SCRN1: variants seen among roughly 807,000 people sequenced by gnomAD.
SCRN1 encodes the protein secernin-1.
SCRN1 carries 19 observed loss-of-function variants against 43.3 expected under a neutral mutation model. That is an observed-to-expected ratio of 0.44 (90% CI 0.31 to 0.64). The LOEUF (loss-of-function observed/expected upper bound fraction) is 0.64. Ranked by LOEUF, SCRN1 falls within the 30% of genes least tolerant of loss-of-function variation. SCRN1 has a pLI of 0.09. For missense variants in SCRN1, 447 were observed against 524.1 expected (o/e 0.85, Z 1.44); for synonymous variants, 183 against 188.9 (o/e 0.97, Z 0.26).
At chr7:29,960,980 A>G (rs1307786406) in intron 2 of SCRN1, among the ~76,000 whole-genome samples, 1 of 152,162 alleles carries the variant, frequency 6.6e-6, no homozygotes, top group Non-Finnish European at 1.5e-5. Context: ...GGGATGTTCC[A>G]ATCGCAAACT....
intron 1 of SCRN1, among the ~76,000 whole-genome samples, chr7:29,971,181 T>A (rs1788655852): frequency 2.0e-5 from 3 of 152,222 alleles, no homozygotes; most frequent in Admixed American, 2.0e-4. Flanking sequence ...CTCCACCACC[T>A]ACTAGCTGTG....
intron 1 of SCRN1, among the ~76,000 whole-genome samples, chr7:29,974,314 T>G (rs1411819022): frequency 6.6e-6 from 1 of 152,246 alleles, no homozygotes; most frequent in Non-Finnish European, 1.5e-5. Context: ...TAGGATGAAT[T>G]TTTTTATTTG....
Position 29,969,473 on chromosome 7 carries a change from A to T in SCRN1, c.-1-405T>A, listed in dbSNP as rs139548192. On this transcript the variant is annotated intron_variant, in intron 1 of 7. Transcript: ENST00000242059. ...AAAACTAACTACACAAATGCCTCAG[A>T]TCCAGAAATGCATAGCCACCACATA... 6.2e-4 allele frequency among the ~76,000 whole-genome samples: 94 copies of T among 152,372 alleles called. 3 individuals are homozygous for T. In the East Asian group the frequency reaches 0.017, roughly 28 times the overall value.
rs1393950275 is a variant in SCRN1 at position 29,950,800 on chromosome 7, C to T, written c.341+4379G>A. Among the ~76,000 whole-genome samples, 1 of 152,216 alleles carries T rather than the reference C, an allele frequency of 6.6e-6. No individual in the cohort carries two copies. The highest frequency in any genetic ancestry group is 1.5e-5 in the Non-Finnish European group (1 of 68,034). On this transcript the variant is annotated intron_variant, in intron 3 of 7. Transcript: ENST00000242059. The surrounding 1 kb of genome is among the most constrained non-coding windows in gnomAD (Gnocchi z 4.5). ...TCTCCTCTCTGCTGAGAGCTGGATA[C>T]TCGTCAGGATGACCTGCCTGCAGAA...
chr7:29,990,003 A>C, upstream of SCRN1: 1 of 1,382,878 alleles, frequency 7.2e-7, no homozygotes, highest in Non-Finnish European at 9.4e-7. Context: ...ATCTCGCCGC[A>C]GAAAGTGGCC....
At position 29,923,510 on chromosome 7, in the gene SCRN1, G is replaced by C. The variant is rs1292761805; in HGVS notation, c.*447C>G. ...CCTTGACAACACACACAAGAGCCCT[G>C]TGTGTGTGCACAAATGCCTCTTGTT... On this transcript the variant is annotated 3_prime_UTR_variant, in exon 8 of 8. Coordinates refer to ENST00000242059, the MANE Select transcript of SCRN1 (RefSeq NM_014766.5). 1 of 164,378 alleles carries C rather than the reference G, an allele frequency of 6.1e-6. No individual in the cohort carries two copies. The highest frequency in any genetic ancestry group is 1.3e-5 in the Non-Finnish European group (1 of 75,272). 10.2% of individuals were successfully genotyped at this position (164,378 alleles called of 1,614,324 possible). A position where few individuals can be genotyped will look rare whatever the true frequency, so the allele number is the denominator to read the frequency against.
chr7:29,971,633 C>CA (rs397889529), intron 1 of SCRN1, among the ~76,000 whole-genome samples: 4,954 of 67,930 alleles, frequency 0.073, 105 homozygotes, highest in Middle Eastern at 0.12. Context: ...GACCCTGTCT[C>CA]AAAAAAAAAA....
chr7:29,986,885 C>G (rs1789177447), intron 1 of SCRN1, among the ~76,000 whole-genome samples: 1 of 151,836 alleles, frequency 6.6e-6, no homozygotes, highest in South Asian at 2.1e-4. Flanking sequence ...CCACCATGCC[C>G]GGCTAATTTT....
At chr7:29,929,967 A>G (rs1383046919) in intron 6 of SCRN1, among the ~76,000 whole-genome samples, 1 of 152,142 alleles carries the variant, frequency 6.6e-6, no homozygotes, top group Non-Finnish European at 1.5e-5. Context: ...TTCTAAGAGA[A>G]GAGATACCAT....
At chr7:29,959,645 G>T (rs1441227174) in intron 2 of SCRN1, among the ~76,000 whole-genome samples, 1 of 152,042 alleles carries the variant, frequency 6.6e-6, no homozygotes, top group Non-Finnish European at 1.5e-5. Context: ...GTATTCTTAA[G>T]GTTCATATAA....
intron 2 of SCRN1, among the ~76,000 whole-genome samples, chr7:29,961,981 A>G (rs1404043955): frequency 1.3e-5 from 2 of 151,942 alleles, no homozygotes; most frequent in Non-Finnish European, 2.9e-5. Flanking sequence ...GGAAAGGGGG[A>G]TCAGTTGGCA....
intron 6 of SCRN1, among the ~76,000 whole-genome samples, chr7:29,931,656 C>T (rs1283275619): frequency 6.6e-6 from 1 of 152,192 alleles, no homozygotes; most frequent in East Asian, 1.9e-4. Flanking sequence ...GTGTTGTCCT[C>T]AAACATGGCT....
rs920922730 is a variant in SCRN1 at position 29,922,999 on chromosome 7, T to C, written c.*958A>G. 1.3e-5 allele frequency: 2 copies of C among 152,220 alleles called. No homozygotes were observed. The highest frequency in any genetic ancestry group is 2.9e-5 in the Non-Finnish European group (2 of 68,050). The allele number at this position is 152,220 out of a possible 1,614,324, so 9.4% of individuals were successfully genotyped here. On this transcript the variant is annotated 3_prime_UTR_variant, in exon 8 of 8. Transcript: ENST00000242059. ...TCCAGATATTTAACTAGAATCTAAATAGTCAAGAGTTCTTCCTTTTCTTTC... is the reference window on the plus strand; with the variant it reads ...TCCAGATATTTAACTAGAATCTAAACAGTCAAGAGTTCTTCCTTTTCTTTC...
intron 5 of SCRN1, among the ~76,000 whole-genome samples, chr7:29,938,299 T>C (rs1787409718): frequency 6.6e-6 from 1 of 152,262 alleles, no homozygotes; most frequent in African/African-American, 2.4e-5. Flanking sequence ...CCCAAAGTGC[T>C]GGGAGTGCGG....
chr7:29,989,856 G>GA (rs1286074753), upstream of SCRN1: 1 of 850,852 alleles, frequency 1.2e-6, no homozygotes, highest in African/African-American at 6.1e-5. Flanking sequence ...ACGTGACCGC[G>GA]GGCCCACCCT....
At chr7:29,966,159 CAGAGAGAGAGAGAGAGAGAGAG>C (rs58247318) in intron 2 of SCRN1, among the ~76,000 whole-genome samples, 2 of 84,404 alleles carry the variant, frequency 2.4e-5, no homozygotes, top group Admixed American at 2.4e-4. Context: ...GACCGAGAGA[CAGAGAGAGAGAGAGAGAGAGAG>C]AGAGAGAGAG....
intron 6 of SCRN1, among the ~76,000 whole-genome samples, chr7:29,932,415 G>A (rs566241484): frequency 5.9e-5 from 9 of 152,186 alleles, no homozygotes; most frequent in Admixed American, 3.3e-4. Flanking sequence ...CACTTTGGGA[G>A]GCGGAGGCAG....
chr7:29,948,866 GAAAAAGGACTC>G (rs925392691), intron 3 of SCRN1, among the ~76,000 whole-genome samples: 9 of 152,120 alleles, frequency 5.9e-5, no homozygotes, highest in African/African-American at 1.7e-4. Context: ...CATGGAAATT[GAAAAAGGACTC>G]AAACAGCGCT....
Position 29,965,036 on chromosome 7 carries a change from G to C in SCRN1, c.159+3873C>G, listed in dbSNP as rs898623460. 6.6e-6 allele frequency among the ~76,000 whole-genome samples: 1 copy of C among 151,936 alleles called. No individual in the cohort carries two copies. Among genetic ancestry groups the C allele is most frequent in the Non-Finnish European group, 1.5e-5 (1 of 68,014 alleles). On this transcript the variant is annotated intron_variant, in intron 2 of 7. Coordinates refer to ENST00000242059, the MANE Select transcript of SCRN1 (RefSeq NM_014766.5). The surrounding 1 kb of genome is among the most constrained non-coding windows in gnomAD (Gnocchi z 4.2). ...CATTGATGCCAGACGTTACTAGCAG[G>C]GTAAACTAGAGGGCAGGGTAAGGGG...
Sources: allele counts gnomAD v4.1 joint callset (sites outside exome capture counted in the v4.1 genomes callset), GRCh38; gene constraint gnomAD v4.1.1; non-coding constraint Gnocchi (gnomAD v3.1); transcripts MANE v1.5; gene names NCBI Gene and HGNC (gene_info 2026-07-23, HGNC 2026-07-21).